The following TRIM8 variants were observed in gnomAD, a reference collection of about 807,000 sequenced individuals.
TRIM8 encodes the protein E3 ubiquitin-protein ligase TRIM8.
A neutral mutation model predicts 55.7 loss-of-function variants in TRIM8; 9 were observed. That is an observed-to-expected ratio of 0.16 (90% CI 0.10 to 0.28). TRIM8 has a LOEUF of 0.28. Among genes scored for constraint, TRIM8 ranks in the 10% least tolerant of loss-of-function variants. TRIM8 has a pLI of 1.00. For synonymous variants in TRIM8, 335 were observed against 333.3 expected (o/e 1.01, Z -0.06); for missense variants, 556 against 736.4 (o/e 0.76, Z 2.83).
chr10:102,651,433 C>T (rs1434823439), intron 1 of TRIM8, among the ~76,000 whole-genome samples: 1 of 152,214 alleles, frequency 6.6e-6, no homozygotes, highest in African/African-American at 2.4e-5. Flanking sequence ...CAAAGGGGCA[C>T]CCACCAGCCT....
rs1483060006 is a variant in TRIM8 at position 102,657,867 on chromosome 10, A to T, written c.*513A>T. The stretch of plus-strand genomic sequence containing the variant: ...GCGACTTTTGTTTTTGTTTTTTTAA[A>T]TTTTTTTAAACCAAGAATGATTTCT... On this transcript the variant is annotated 3_prime_UTR_variant, in exon 6 of 6. Coordinates refer to ENST00000643721, the MANE Select transcript of TRIM8 (RefSeq NM_030912.3). 4.6e-5 allele frequency: 7 copies of T among 152,398 alleles called. No individual in the cohort carries two copies. Among genetic ancestry groups the T allele is most frequent in the Admixed American group, 3.3e-4 (5 of 15,264 alleles). 9.4% of individuals were successfully genotyped at this position (152,398 alleles called of 1,614,324 possible).
intron 1 of TRIM8, among the ~76,000 whole-genome samples, chr10:102,646,454 T>G (rs188972491): frequency 2.0e-5 from 3 of 152,216 alleles, no homozygotes; most frequent in East Asian, 3.9e-4. Context: ...GTTTCCTGTG[T>G]GGGGGGACCA....
intron 1 of TRIM8, among the ~76,000 whole-genome samples, chr10:102,651,422 G>A (rs1055721089): frequency 6.6e-6 from 1 of 152,224 alleles, no homozygotes; most frequent in Non-Finnish European, 1.5e-5. Flanking sequence ...AAGGGATGGG[G>A]CAAAGGGGCA....
At chr10:102,653,781 A>C (rs2064002889) in intron 1 of TRIM8, 1 of 152,246 alleles carries the variant, frequency 6.6e-6, no homozygotes, top group Non-Finnish European at 1.5e-5. Flanking sequence ...AGGCGAGGGT[A>C]AAGTGAGATC....
chr10:102,655,406 T>C, intron 3 of TRIM8, 93 bp downstream of exon 3: 1 of 1,205,560 alleles, frequency 8.3e-7, no homozygotes, highest in Non-Finnish European at 1.2e-6. Context: ...CACATGCCCT[T>C]ACCTTTGGAG....
intron 1 of TRIM8, among the ~76,000 whole-genome samples, chr10:102,648,123 A>T (rs1254130802): frequency 3.9e-5 from 6 of 152,124 alleles, no homozygotes; most frequent in Admixed American, 6.5e-5. Context: ...CTCTCCCATG[A>T]GGCTGTGGGG....
chr10:102,654,346 AGAAT>A, intron 1 of TRIM8: 1 of 251,884 alleles, frequency 4.0e-6, no homozygotes, highest in East Asian at 9.1e-5. Context: ...CTAAGACAGG[AGAAT>A]CACTTGAACC....
chr10:102,656,053 GC>G lies in TRIM8; in HGVS notation c.901-52del. ...AGCTTTTGTCTTCCCCTCTCCCCGG[GC>G]TCTCCCTGGACTGCCTTTTCCACTG... On this transcript the variant is annotated intron_variant, in intron 3 of 5. Transcript: ENST00000643721. The surrounding 1 kb of genome is among the most constrained non-coding windows in gnomAD (Gnocchi z 4.6). 1 of 1,609,706 alleles carries G rather than the reference GC, an allele frequency of 6.2e-7. No homozygotes were observed. Among genetic ancestry groups the G allele is most frequent in the African/African-American group, 1.3e-5 (1 of 74,836 alleles).
In TRIM8 at chr10:102,657,387, TC is replaced by T. The variant is rs770056409; in HGVS notation, c.*35del. On this transcript the variant is annotated 3_prime_UTR_variant, in exon 6 of 6. Coordinates refer to ENST00000643721, the MANE Select transcript of TRIM8 (RefSeq NM_030912.3). Reference sequence around the variant, plus strand: ...CAGGCGGCGGGGCGCTGGGGAATCTTCCTCCCCAGCCCCCGGGCTCGGGAGT... The same window carrying T: ...CAGGCGGCGGGGCGCTGGGGAATCTTCTCCCCAGCCCCCGGGCTCGGGAGT... 29 of 1,525,106 alleles carry T rather than the reference TC, an allele frequency of 1.9e-5. No individual in the cohort carries two copies. The highest frequency in any genetic ancestry group is 2.5e-5 in the Non-Finnish European group (28 of 1,135,174). The allele number at this position is 1,525,106 out of a possible 1,614,324, so 94.5% of individuals were successfully genotyped here. A position where few individuals can be genotyped will look rare whatever the true frequency, so the allele number is the denominator to read the frequency against.
Position 102,656,695 on chromosome 10 carries a change from C to T in TRIM8, c.1049-52C>T. On this transcript the variant is annotated intron_variant, in intron 5 of 5. Transcript: ENST00000643721. The surrounding 1 kb of genome is among the most constrained non-coding windows in gnomAD (Gnocchi z 4.6). ...CAGGTCCAACCCAGGGAGAGGAGGC[C>T]TGGGTTGCTTGGGGTGGGAGCTTTG... The T allele has an allele frequency of 6.6e-7, 1 of 1,507,372 alleles. No individual in the cohort carries two copies. The allele number at this position is 1,507,372 out of a possible 1,614,324, so 93.4% of individuals were successfully genotyped here.
rs772389829 is a variant in TRIM8 at position 102,645,121 on chromosome 10, C to T, written c.504C>T (p.Cys168=). The T allele has an allele frequency of 6.3e-7, 1 of 1,589,196 alleles. No homozygotes were observed. Among genetic ancestry groups the T allele is most frequent in the African/African-American group, 1.3e-5 (1 of 74,376 alleles). Residue 168 remains cysteine, a synonymous_variant, in exon 1 of 6, where the codon TGC becomes TGT. Transcript: ENST00000643721. ...AGGTGGCCGTGTGCCAGTACTGCTGCTACTACAGCGGCGCGCATCAGGGAC... is the reference window on the plus strand; with the variant it reads ...AGGTGGCCGTGTGCCAGTACTGCTGTTACTACAGCGGCGCGCATCAGGGAC... ...AEQVAVCQYC[C]YYSGAHQGHS...
At chr10:102,650,878 C>A (rs1318423361) in intron 1 of TRIM8, among the ~76,000 whole-genome samples, 1 of 152,164 alleles carries the variant, frequency 6.6e-6, no homozygotes, top group Non-Finnish European at 1.5e-5. Flanking sequence ...TTTCCAGTGT[C>A]TTGGCAACCT....
chr10:102,658,124 C>T lies in TRIM8; in HGVS notation c.*770C>T, dbSNP rs953669039. The stretch of plus-strand genomic sequence containing the variant: ...TAAAATAAAAAACAATAGCACAGCC[C>T]TTGTTGAGGTCAGCAGGGAGGAGGG... On this transcript the variant is annotated 3_prime_UTR_variant, in exon 6 of 6. Transcript: ENST00000643721. 1 of 152,020 alleles carries T rather than the reference C, an allele frequency of 6.6e-6. No homozygotes were observed. Among genetic ancestry groups the T allele is most frequent in the South Asian group, 2.1e-4 (1 of 4,810 alleles). 9.4% of individuals were successfully genotyped at this position (152,020 alleles called of 1,614,324 possible).
intron 3 of TRIM8, 106 bp from the exon 4 acceptor site, chr10:102,656,000 C>T (rs1476724138): frequency 1.0e-5 from 16 of 1,550,542 alleles, no homozygotes; most frequent in Non-Finnish European, 1.3e-5. Flanking sequence ...AGAGGATCCA[C>T]CCAGCCTGGG....
chr10:102,656,191 G>A lies in TRIM8; in HGVS notation c.932+54G>A, dbSNP rs548505881. 3.7e-6 allele frequency: 6 copies of A among 1,613,994 alleles called. No homozygotes were observed. In the African/African-American group the frequency reaches 6.7e-5, roughly 18 times the overall value. ...GGCACATCCTGGGGAGGGCAGGGGG[G>A]CCAGGCCCATGGCGGGGAGGTAGGG... On this transcript the variant is annotated intron_variant, in intron 4 of 5. Transcript: ENST00000643721. This position sits in a 1 kb window ranked among gnomAD's most constrained non-coding sequence, Gnocchi z 4.6.
chr10:102,648,238 G>A (rs754162282), intron 1 of TRIM8, among the ~76,000 whole-genome samples: 3 of 152,152 alleles, frequency 2.0e-5, no homozygotes, highest in Non-Finnish European at 2.9e-5. Flanking sequence ...TCTAAGCATT[G>A]AAGGACTGGT....
rs555279294 is a variant in TRIM8 at position 102,648,815 on chromosome 10, G to A, written c.570+3628G>A. On this transcript the variant is annotated intron_variant, in intron 1 of 5. Coordinates refer to ENST00000643721, the MANE Select transcript of TRIM8 (RefSeq NM_030912.3). ...CACGCACGTGTGTTTGTGGTGTGAC[G>A]GTCATGTGGCCCCTTCTTTGGCCAC... Among the ~76,000 whole-genome samples, 29 of 152,128 alleles carry A rather than the reference G, an allele frequency of 1.9e-4. No individual in the cohort carries two copies. In the East Asian group the frequency reaches 3.1e-3, roughly 16 times the overall value.
chr10:102,655,441 C>T, intron 3 of TRIM8, 128 bp downstream of exon 3: 1 of 865,868 alleles, frequency 1.2e-6, no homozygotes, highest in Non-Finnish European at 1.8e-6. Context: ...TTCAAATCCA[C>T]CTGCCTGCTC....
intron 1 of TRIM8, among the ~76,000 whole-genome samples, chr10:102,652,901 T>A (rs2063996225): frequency 6.6e-6 from 1 of 152,004 alleles, no homozygotes; most frequent in African/African-American, 2.4e-5. Flanking sequence ...TCTCCCGGGT[T>A]CAAGTGATTC....
Sources: gnomAD v4.1 joint callset for allele counts (sites outside exome capture counted in the v4.1 genomes callset) on GRCh38, gnomAD v4.1.1 for gene constraint, Gnocchi (gnomAD v3.1) non-coding constraint, MANE v1.5 for transcripts, NCBI Gene and HGNC (gene_info 2026-07-23, HGNC 2026-07-21) for gene names.